Variants in CBLC observed in about 807,000 individuals in gnomAD.
The protein encoded by CBLC is Cbl proto-oncogene C.
In CBLC, 46 loss-of-function variants were observed where a neutral mutation model predicts 58.6. That is an observed-to-expected ratio of 0.79 (90% CI 0.62 to 1.00). The LOEUF is 1.00. Ranked by LOEUF, CBLC falls within the 50% of genes least tolerant of loss-of-function variation. The pLI is 0.00. For missense variants in CBLC, 655 were observed against 625.8 expected (o/e 1.05, Z -0.50); for synonymous variants, 271 against 264.2 (o/e 1.03, Z -0.25).
intron 9 of CBLC, among the ~76,000 whole-genome samples, chr19:44,798,919 C>T (rs1968232365): frequency 6.6e-6 from 1 of 152,152 alleles, no homozygotes; most frequent in Non-Finnish European, 1.5e-5. Context: ...TTCTAACTTG[C>T]CAGCAAGCCT....
intron 5 of CBLC, among the ~76,000 whole-genome samples, chr19:44,787,267 G>T (rs973050242): frequency 6.6e-6 from 1 of 151,510 alleles, no homozygotes. Context: ...AGTGGCGGGC[G>T]TCTGTAGTCC....
intron 6 of CBLC, among the ~76,000 whole-genome samples, chr19:44,790,403 A>G (rs1416209547): frequency 1.3e-5 from 2 of 152,166 alleles, no homozygotes; most frequent in African/African-American, 2.4e-5. Flanking sequence ...TACGAGTGAG[A>G]AAAACAACAA....
chr19:44,783,987 T>C (rs1243955910), intron 4 of CBLC, among the ~76,000 whole-genome samples: 1 of 152,198 alleles, frequency 6.6e-6, no homozygotes, highest in African/African-American at 2.4e-5. Flanking sequence ...AATGCACTGA[T>C]TGGCCACCCC....
Position 44,784,368 on chromosome 19 carries a change from C to T in CBLC, c.884C>T (p.Ser295Phe). ...ACCATCCCTGCCAACAAACCCCTGT[C>T]CCAGGTGCTCCTGGAGGGACAGAAG... is the stretch of plus-strand genomic sequence containing the variant. ...LQTIPANKPL[S>F]QVLLEGQKDG... The change falls in exon 5 of 11, where the codon TCC becomes TTC. Residue 295 changes from serine to phenylalanine, a missense_variant. Physicochemically the swap from Ser to Phe is radical, Grantham distance 155. Around this residue, in one of 3 missense-constraint regions of CBLC, gnomAD observed 371 missense variants for 370.8 expected, o/e 1.00. Coordinates refer to ENST00000647358, the MANE Select transcript of CBLC (RefSeq NM_012116.4). The T allele has an allele frequency of 6.3e-7, 1 of 1,598,890 alleles. No individual in the cohort carries two copies. The highest frequency in any genetic ancestry group is 8.6e-7 in the Non-Finnish European group (1 of 1,167,876).
chr19:44,788,978 A>T (rs1308061322), intron 5 of CBLC, among the ~76,000 whole-genome samples: 1 of 152,226 alleles, frequency 6.6e-6, no homozygotes, highest in Non-Finnish European at 1.5e-5. Context: ...TCCACATGAC[A>T]GGCCAGGCAG....
At chr19:44,779,911 A>G (rs954063968) in intron 1 of CBLC, among the ~76,000 whole-genome samples, 1 of 152,078 alleles carries the variant, frequency 6.6e-6, no homozygotes, top group East Asian at 1.9e-4. Flanking sequence ...CTACCCACCT[A>G]TAGTTTTTTA....
At position 44,794,222 on chromosome 19, in the gene CBLC, C is replaced by T. The variant is rs116023028; in HGVS notation, c.1303C>T (p.Pro435Ser). Reference protein sequence around the residue: ...ELGQVPLSAPPLPPRPDLPPR... With the variant: ...ELGQVPLSAPSLPPRPDLPPR... ...ACCCCAGGTGCCCCTTTCGGCTCCT[C>T]CATTGCCCCCACGGCCAGATCTGCC... is the stretch of plus-strand genomic sequence containing the variant. Residue 435 changes from proline to serine, a missense_variant, in exon 9 of 11, where the codon CCA (proline) becomes TCA (serine). By Grantham distance (74) the Pro-to-Ser change is moderately conservative. This residue lies in a region of CBLC where 371 missense variants were observed against 370.8 expected (regional missense o/e 1.00). Coordinates refer to ENST00000647358, the MANE Select transcript of CBLC (RefSeq NM_012116.4). 0.035 allele frequency: 56,212 copies of T among 1,609,242 alleles called. 1,240 individuals are homozygous for T. The highest frequency in any genetic ancestry group is 0.063 in the African/African-American group (4,667 of 74,656).
chr19:44,784,950 G>GTTTTTTTTTGTTTTTT (rs1967850634), intron 5 of CBLC, among the ~76,000 whole-genome samples: 1 of 34,356 alleles, frequency 2.9e-5, no homozygotes, highest in Non-Finnish European at 6.6e-5. Flanking sequence ...CTAGACAGGT[G>GTTTTTTTTTGTTTTTT]TTTTTTTTTT....
At chr19:44,781,895 C>G (rs1599859018) in intron 3 of CBLC, among the ~76,000 whole-genome samples, 4 of 79,118 alleles carry the variant, frequency 5.1e-5, no homozygotes, top group Admixed American at 1.4e-4. Flanking sequence ...GGGAGGAGGG[C>G]CTGGGGCCTG....
chr19:44,786,314 G>A lies in CBLC; in HGVS notation c.917+1913G>A, dbSNP rs183879359. 1.4e-3 allele frequency among the ~76,000 whole-genome samples: 210 copies of A among 151,982 alleles called. 1 individual carries two copies. Among genetic ancestry groups the A allele is most frequent in the East Asian group, 8.7e-3 (45 of 5,148 alleles). ...GTTTAAAGACACTTTATTCAAGGCCGGGCGCAGTGGCTCACACCTGTAATC... is the reference window on the plus strand; with the variant it reads ...GTTTAAAGACACTTTATTCAAGGCCAGGCGCAGTGGCTCACACCTGTAATC... On this transcript the variant is annotated intron_variant, in intron 5 of 10. Coordinates refer to ENST00000647358, the MANE Select transcript of CBLC (RefSeq NM_012116.4).
intron 9 of CBLC, among the ~76,000 whole-genome samples, chr19:44,798,714 C>T (rs1044487109): frequency 2.0e-5 from 3 of 151,896 alleles, no homozygotes; most frequent in Admixed American, 6.6e-5. Context: ...CTAGCCTGGG[C>T]GACGGTGCAA....
chr19:44,786,692 A>T (rs971835944), intron 5 of CBLC, among the ~76,000 whole-genome samples: 6 of 152,362 alleles, frequency 3.9e-5, no homozygotes, highest in African/African-American at 1.4e-4. Context: ...CAGCAGTATA[A>T]CTTGTGTCTC....
rs772388756 is a variant in CBLC, at chr19:44,793,558, G to C, written c.1222G>C (p.Ala408Pro). Residue 408 changes from alanine to proline, a missense_variant, in exon 8 of 11, where the codon GCT becomes CCT. Coordinates refer to ENST00000647358, the MANE Select transcript of CBLC (RefSeq NM_012116.4). ...GAGTATCTACCAGTTCCACGGTCAG[G>C]CTACTGCTGAGGACTCAGGGAACAG... ...AVSIYQFHGQ[A>P]TAEDSGNSSD... 1.2e-6 allele frequency: 2 copies of C among 1,611,566 alleles called. No homozygotes were observed. Among genetic ancestry groups the C allele is most frequent in the Middle Eastern group, 1.7e-4 (1 of 6,060 alleles).
At chr19:44,800,491 A>T in intron 10 of CBLC, 41 bp downstream of exon 10, 1 of 1,282,876 alleles carries the variant, frequency 7.8e-7, no homozygotes, top group Non-Finnish European at 1.1e-6. Flanking sequence ...ACTCCACCCC[A>T]CTCCACCCTC....
chr19:44,792,144 C>T (rs1329430412), intron 6 of CBLC, among the ~76,000 whole-genome samples: 1 of 151,974 alleles, frequency 6.6e-6, no homozygotes, highest in Non-Finnish European at 1.5e-5. Flanking sequence ...CAGGCATGCA[C>T]CACCATGCCC....
At chr19:44,792,885 G>T (rs1189231206) in intron 7 of CBLC, among the ~76,000 whole-genome samples, 1 of 152,066 alleles carries the variant, frequency 6.6e-6, no homozygotes, top group East Asian at 1.9e-4. Context: ...GGTGGCTCAC[G>T]CCTGTAATCT....
chr19:44,784,124 A>G lies in CBLC; in HGVS notation c.780-140A>G, dbSNP rs1967821508. 6.1e-5 allele frequency: 42 copies of G among 684,352 alleles called. No homozygotes were observed. In the South Asian group the frequency reaches 1.1e-3, roughly 17 times the overall value. 42.4% of individuals were successfully genotyped at this position (684,352 alleles called of 1,614,324 possible). A position where few individuals can be genotyped will look rare whatever the true frequency, so the allele number is the denominator to read the frequency against. ...CTAGAGAGGCAGGCAGGGGTCTAGC[A>G]CATGCCGTTGCCTAGAGGATGGGAA... is the stretch of plus-strand genomic sequence containing the variant. On this transcript the variant is annotated intron_variant, in intron 4 of 10. Transcript: ENST00000647358.
intron 1 of CBLC, among the ~76,000 whole-genome samples, chr19:44,780,402 C>T (rs1355080719): frequency 6.6e-6 from 1 of 151,238 alleles, no homozygotes; most frequent in African/African-American, 2.4e-5. Context: ...TCCCAGAGTG[C>T]TGGGATTACA....
At chr19:44,799,046 G>A (rs1418669436) in intron 9 of CBLC, among the ~76,000 whole-genome samples, 1 of 152,166 alleles carries the variant, frequency 6.6e-6, no homozygotes, top group Non-Finnish European at 1.5e-5. Context: ...TGAAGGACAT[G>A]GAACTTGCTC....
Sources: allele counts gnomAD v4.1 joint callset (sites outside exome capture counted in the v4.1 genomes callset), GRCh38; gene constraint gnomAD v4.1.1; regional missense constraint gnomAD v4.1.1; transcripts MANE v1.5; gene names NCBI Gene and HGNC (gene_info 2026-07-23, HGNC 2026-07-21).